Variants in MARK3 observed in about 807,000 individuals in gnomAD.
MARK3 encodes the protein MAP/microtubule affinity-regulating kinase 3.
Under a neutral mutation model 90.1 loss-of-function variants are expected in MARK3, and 46 were observed. The observed-to-expected ratio is 0.51, with a 90% CI of 0.40 to 0.65. The LOEUF (loss-of-function observed/expected upper bound fraction) is 0.65, where lower values mean the gene tolerates loss of function less well. Among genes scored for constraint, MARK3 ranks in the 30% least tolerant of loss-of-function variants. The probability of loss-of-function intolerance (pLI) is 0.00; values close to 1 mark genes in which losing one functional copy is unlikely to be tolerated. For missense variants in MARK3, 818 were observed against 947.2 expected (o/e 0.86, Z 1.79); for synonymous variants, 321 against 332.6 (o/e 0.97, Z 0.38).
At chr14:103,405,662 A>G (rs1199746081) in intron 2 of MARK3, among the ~76,000 whole-genome samples, 1 of 151,792 alleles carries the variant, frequency 6.6e-6, no homozygotes, top group African/African-American at 2.4e-5. Flanking sequence ...TATGTATTAC[A>G]TGTATTACAT....
At chr14:103,420,251 C>T (rs145032704) in intron 2 of MARK3, among the ~76,000 whole-genome samples, 1 of 151,970 alleles carries the variant, frequency 6.6e-6, no homozygotes, top group East Asian at 1.9e-4. Flanking sequence ...CTTTTTGAGA[C>T]AGAGTCTTGC....
At chr14:103,472,303 T>C (rs1937123472) in intron 12 of MARK3, among the ~76,000 whole-genome samples, 1 of 151,722 alleles carries the variant, frequency 6.6e-6, no homozygotes, top group Admixed American at 6.6e-5. Flanking sequence ...GGTGAAGGTG[T>C]TTCTGTCACC....
At chr14:103,426,911 T>C (rs1268818357) in intron 2 of MARK3, among the ~76,000 whole-genome samples, 1 of 150,540 alleles carries the variant, frequency 6.6e-6, no homozygotes, top group Non-Finnish European at 1.5e-5. Context: ...AAAAAAAAAT[T>C]TTTAAAGTTT....
intron 1 of MARK3, among the ~76,000 whole-genome samples, chr14:103,392,392 G>A (rs140534570): frequency 9.2e-5 from 14 of 152,304 alleles, no homozygotes; most frequent in Non-Finnish European, 1.6e-4. Context: ...CTTTAGAACC[G>A]TGATCACTGG....
chr14:103,487,182 G>A (rs1182386944), intron 14 of MARK3, among the ~76,000 whole-genome samples: 1 of 151,190 alleles, frequency 6.6e-6, no homozygotes, highest in Non-Finnish European at 1.5e-5. Flanking sequence ...CTCCCAAAGT[G>A]CTGGGATTAC....
At position 103,400,943 on chromosome 14, in the gene MARK3, T is replaced by TTTTGTG. The variant is rs376325674; in HGVS notation, c.52-4132_52-4131insTTGTGT. Among the ~76,000 whole-genome samples, 8 of 123,572 alleles carry TTTTGTG rather than the reference T, an allele frequency of 6.5e-5. No individual in the cohort carries two copies. The South Asian group carries it at 1.4e-3, about 22-fold the overall frequency. 81.1% of individuals were successfully genotyped at this position (123,572 alleles called of 152,430 possible). The stretch of plus-strand genomic sequence containing the variant: ...AGTTATCAAAGAATTATATAACATT[T>TTTTGTG]TGTGTGTGTGTGTGTGTGTGTGTGT... On this transcript the variant is annotated intron_variant, in intron 1 of 17. Transcript: ENST00000429436.
chr14:103,432,794 T>A (rs2092619754), intron 3 of MARK3, among the ~76,000 whole-genome samples: 1 of 152,200 alleles, frequency 6.6e-6, no homozygotes, highest in African/African-American at 2.4e-5. Flanking sequence ...AGTTGGAGGC[T>A]GCAGTGAGCT....
chr14:103,397,757 T>C (rs1191211135), intron 1 of MARK3, among the ~76,000 whole-genome samples: 1 of 152,188 alleles, frequency 6.6e-6, no homozygotes, highest in Non-Finnish European at 1.5e-5. Context: ...TATTCAAAAG[T>C]GAAACAGATT....
intron 17 of MARK3, among the ~76,000 whole-genome samples, chr14:103,501,698 T>C (rs965826233): frequency 6.6e-6 from 1 of 152,086 alleles, no homozygotes; most frequent in Non-Finnish European, 1.5e-5. Context: ...CCTCTTCTGC[T>C]GCCCTCTAGG....
intron 1 of MARK3, among the ~76,000 whole-genome samples, chr14:103,391,709 ATT>A (rs71126012): frequency 4.6e-4 from 32 of 69,686 alleles, no homozygotes; most frequent in East Asian, 3.4e-3. Context: ...ATGCCTGGCT[ATT>A]TTTTTTTTTT....
chr14:103,420,921 T>A (rs2092190403), intron 2 of MARK3, among the ~76,000 whole-genome samples: 1 of 152,178 alleles, frequency 6.6e-6, no homozygotes, highest in African/African-American at 2.4e-5. Context: ...ATTTTTGTAC[T>A]TTTTGTTGAT....
intron 5 of MARK3, among the ~76,000 whole-genome samples, chr14:103,455,543 G>A (rs895546718): frequency 1.3e-5 from 2 of 151,956 alleles, no homozygotes; most frequent in African/African-American, 2.4e-5. Context: ...CCTGGCCAAC[G>A]TGGTGAAACC....
chr14:103,457,769 T>C (rs2093307102), intron 6 of MARK3, among the ~76,000 whole-genome samples: 1 of 152,258 alleles, frequency 6.6e-6, no homozygotes, highest in Non-Finnish European at 1.5e-5. Flanking sequence ...CTGAGATAAG[T>C]ACTTTACCAA....
chr14:103,460,592 G>T (rs1317736670), intron 6 of MARK3, among the ~76,000 whole-genome samples: 2 of 152,182 alleles, frequency 1.3e-5, no homozygotes, highest in Non-Finnish European at 2.9e-5. Context: ...GTGGCATCAG[G>T]TTAGCTTTGA....
At chr14:103,405,950 G>T (rs1390236889) in intron 2 of MARK3, among the ~76,000 whole-genome samples, 1 of 151,814 alleles carries the variant, frequency 6.6e-6, no homozygotes, top group Non-Finnish European at 1.5e-5. Context: ...GAGTGCAGTG[G>T]CTCAATCATG....
At chr14:103,443,585 G>A (rs972779674) in intron 3 of MARK3, among the ~76,000 whole-genome samples, 5 of 152,110 alleles carry the variant, frequency 3.3e-5, no homozygotes, top group South Asian at 2.1e-4. Flanking sequence ...CCAAGAGAGG[G>A]AGGAGATACC....
At chr14:103,412,217 G>A (rs2140840763) in intron 2 of MARK3, 2 of 917,560 alleles carry the variant, frequency 2.2e-6, no homozygotes, top group Admixed American at 3.9e-5. Context: ...GAAGTTAACA[G>A]CCAGGTGAAT....
At chr14:103,483,261 A>T (rs2093859557) in intron 14 of MARK3, among the ~76,000 whole-genome samples, 1 of 152,172 alleles carries the variant, frequency 6.6e-6, no homozygotes, top group South Asian at 2.1e-4. Context: ...TTAACTTCTG[A>T]AACAAACATG....
chr14:103,409,334 C>T (rs2091487616), intron 2 of MARK3, among the ~76,000 whole-genome samples: 1 of 145,590 alleles, frequency 6.9e-6, no homozygotes, highest in Admixed American at 7.2e-5. Flanking sequence ...TTAGGAGAAA[C>T]ACCTAATGTA....
Sources: allele counts gnomAD v4.1 joint callset (sites outside exome capture counted in the v4.1 genomes callset), GRCh38; gene constraint gnomAD v4.1.1; transcripts MANE v1.5; gene names NCBI Gene and HGNC (gene_info 2026-07-23, HGNC 2026-07-21).